The following NTM variants were observed in gnomAD, a reference collection of about 807,000 sequenced individuals.
The protein encoded by NTM is neurotrimin, also known as IgLON family member 2.
NTM carries 13 observed loss-of-function variants against 42.1 expected under a neutral mutation model. The ratio of observed to expected loss-of-function variants is 0.31; its 90% CI spans 0.20 to 0.49. The LOEUF (loss-of-function observed/expected upper bound fraction) is 0.49, where lower values mean the gene tolerates loss of function less well. NTM is among the 20% of genes least tolerant of loss of function. The pLI, the probability that NTM is intolerant of heterozygous loss-of-function variation, is 0.99. For missense variants in NTM, 373 were observed against 452.8 expected, an observed-to-expected ratio of 0.82 and a Z score of 1.60; for synonymous variants, 187 against 179.2, an observed-to-expected ratio of 1.04 and a Z score of -0.35.
At chr11:132,180,343 G>A (rs1280410263) in intron 3 of NTM, among the ~76,000 whole-genome samples, 1 of 152,040 alleles carries the variant, frequency 6.6e-6, no homozygotes, top group Non-Finnish European at 1.5e-5. Flanking sequence ...TTTCAAAGAA[G>A]CTACTAAACA....
At chr11:131,393,012 G>A (rs1944197876) in intron 1 of NTM, among the ~76,000 whole-genome samples, 7 of 152,036 alleles carry the variant, frequency 4.6e-5, no homozygotes, top group Non-Finnish European at 8.8e-5. Flanking sequence ...GAAGGCCTAG[G>A]GCATCCTCAT....
chr11:131,534,368 TGCATGCACACACATGCACACAC>T (rs1292742529), intron 1 of NTM: 3 of 152,204 alleles, frequency 2.0e-5, no homozygotes, highest in African/African-American at 7.3e-5. Flanking sequence ...CATGCACACA[TGCATGCACACACATGCACACAC>T]ACACACGCAC....
intron 1 of NTM, among the ~76,000 whole-genome samples, chr11:131,395,247 G>T (rs891135919): frequency 6.6e-6 from 1 of 152,220 alleles, no homozygotes; most frequent in African/African-American, 2.4e-5. Context: ...GCACATTTCA[G>T]TTGAAGTCCC....
At chr11:131,947,620 C>T (rs1410855591) in intron 2 of NTM, among the ~76,000 whole-genome samples, 1 of 152,112 alleles carries the variant, frequency 6.6e-6, no homozygotes, top group Non-Finnish European at 1.5e-5. Flanking sequence ...ACACAGGGCC[C>T]TGGGGTCTGT....
intron 1 of NTM, among the ~76,000 whole-genome samples, chr11:131,612,548 A>C (rs1403056952): frequency 6.6e-6 from 1 of 152,250 alleles, no homozygotes; most frequent in Non-Finnish European, 1.5e-5. Flanking sequence ...TCATGGAGGG[A>C]AGCAAAGCTC....
intron 1 of NTM, among the ~76,000 whole-genome samples, chr11:131,477,437 A>G (rs1185612119): frequency 1.3e-5 from 2 of 149,390 alleles, no homozygotes; most frequent in Non-Finnish European, 3.0e-5. Context: ...CAGAGCATCT[A>G]ATATGAACCA....
chr11:131,865,747 C>T (rs1411168951), intron 1 of NTM, among the ~76,000 whole-genome samples: 1 of 151,868 alleles, frequency 6.6e-6, no homozygotes, highest in African/African-American at 2.4e-5. Flanking sequence ...ACGTTGCACA[C>T]ACACAAGCTA....
chr11:131,789,636 A>AGAG lies in NTM; in HGVS notation c.83-121928_83-121927insGAG, dbSNP rs1555127949. ...AAGAAGAAGAAGAAGAAGAAGAAGA[A>AGAG]AAGAAGAAGAAGAAGAAGAAGAAGA... On this transcript the variant is annotated intron_variant, in intron 1 of 8. Transcript: ENST00000683400. 1.5e-3 allele frequency among the ~76,000 whole-genome samples: 46 copies of AGAG among 30,904 alleles called. 12 individuals are homozygous for AGAG. The highest frequency in any genetic ancestry group is 8.4e-3 in the South Asian group (10 of 1,190). The allele number at this position is 30,904 out of a possible 152,430, so 20.3% of individuals were successfully genotyped here. A position where few individuals can be genotyped will look rare whatever the true frequency, so the allele number is the denominator to read the frequency against.
At position 132,003,812 on chromosome 11, in the gene NTM, A is replaced by G. The variant is rs2070025020; in HGVS notation, c.167+92164A>G. Among the ~76,000 whole-genome samples, 6 of 152,192 alleles carry G rather than the reference A, an allele frequency of 3.9e-5. No homozygotes were observed. Among genetic ancestry groups the G allele is most frequent in the Admixed American group, 3.9e-4 (6 of 15,272 alleles). ...TTCTGGACCTGCCACTTACAGAACC[A>G]GCTTCATTGAGATGTTGTTTAAAAT... On this transcript the variant is annotated intron_variant, in intron 2 of 8. Transcript: ENST00000683400. The surrounding 1 kb of genome is among the most constrained non-coding windows in gnomAD (Gnocchi z 6.0).
chr11:131,694,052 T>A (rs1280921684), intron 1 of NTM, among the ~76,000 whole-genome samples: 1 of 152,208 alleles, frequency 6.6e-6, no homozygotes, highest in African/African-American at 2.4e-5. Context: ...TCTCCCCGAC[T>A]TTCGTTTTCT....
At chr11:132,011,715 A>G (rs1166029899) in intron 2 of NTM, among the ~76,000 whole-genome samples, 3 of 152,188 alleles carry the variant, frequency 2.0e-5, no homozygotes, top group African/African-American at 7.2e-5. Context: ...AGTGAGCTGT[A>G]GAGCAATTAT....
chr11:131,950,339 G>A (rs2060836546), intron 2 of NTM, among the ~76,000 whole-genome samples: 1 of 152,176 alleles, frequency 6.6e-6, no homozygotes, highest in African/African-American at 2.4e-5. Flanking sequence ...CCCTTGCCTG[G>A]TTTTCTGGGC....
chr11:131,604,836 G>T (rs991141382), intron 1 of NTM, among the ~76,000 whole-genome samples: 2 of 151,092 alleles, frequency 1.3e-5, no homozygotes, highest in East Asian at 3.9e-4. Context: ...AATTTTCTTG[G>T]CACACTTGTC....
chr11:131,566,131 C>T (rs975993380), intron 1 of NTM, among the ~76,000 whole-genome samples: 5 of 152,170 alleles, frequency 3.3e-5, no homozygotes, highest in Non-Finnish European at 7.3e-5. Flanking sequence ...GCCCCACACC[C>T]GGTCTCATTT....
chr11:131,971,720 C>G (rs1383994173), intron 2 of NTM, among the ~76,000 whole-genome samples: 3 of 145,442 alleles, frequency 2.1e-5, no homozygotes, highest in African/African-American at 7.8e-5. Context: ...GCTTGAGCAA[C>G]ATTCTGAGAC....
At chr11:132,334,017 G>A (rs957948088) in intron 8 of NTM, among the ~76,000 whole-genome samples, 2 of 152,144 alleles carry the variant, frequency 1.3e-5, no homozygotes, top group African/African-American at 4.8e-5. Flanking sequence ...ACTTAGTGAG[G>A]CCACCAGCTT....
At chr11:131,575,899 T>C (rs1435976174) in intron 1 of NTM, among the ~76,000 whole-genome samples, 1 of 152,198 alleles carries the variant, frequency 6.6e-6, no homozygotes, top group Admixed American at 6.5e-5. Context: ...TTATCTCAAG[T>C]GGCAAATATA....
chr11:131,594,005 A>G (rs2059608572), intron 1 of NTM, among the ~76,000 whole-genome samples: 1 of 152,238 alleles, frequency 6.6e-6, no homozygotes, highest in African/African-American at 2.4e-5. Context: ...GTTGCTGCCC[A>G]GAGATTGCTA....
At chr11:131,573,861 T>A (rs573940593) in intron 1 of NTM, among the ~76,000 whole-genome samples, 2 of 152,120 alleles carry the variant, frequency 1.3e-5, no homozygotes, top group Non-Finnish European at 2.9e-5. Flanking sequence ...GGATTTCTTC[T>A]AGGGGGCTGG....
Sources: allele counts gnomAD v4.1 joint callset (sites outside exome capture counted in the v4.1 genomes callset), GRCh38; gene constraint gnomAD v4.1.1; non-coding constraint Gnocchi (gnomAD v3.1); transcripts MANE v1.5; gene names NCBI Gene and HGNC (gene_info 2026-07-23, HGNC 2026-07-21).